Variants in PDE4D observed in about 807,000 individuals in gnomAD.
PDE4D encodes the protein phosphodiesterase 4D, also known as 3',5'-cyclic-AMP phosphodiesterase 4D.
A neutral mutation model predicts 87.4 loss-of-function variants in PDE4D; 24 were observed. The ratio of observed to expected loss-of-function variants is 0.27; its 90% CI spans 0.20 to 0.39. The LOEUF is 0.39. Among genes scored for constraint, PDE4D ranks in the 10% least tolerant of loss-of-function variants. The probability of loss-of-function intolerance (pLI) is 1.00; values close to 1 mark genes in which losing one functional copy is unlikely to be tolerated. For synonymous variants in PDE4D, 384 were observed against 383.2 expected (o/e 1.00, Z -0.02); for missense variants, 714 against 1,041.0 (o/e 0.69, Z 4.32).
intron 2 of PDE4D, among the ~76,000 whole-genome samples, chr5:60,067,878 T>C (rs139709787): frequency 2.0e-3 from 301 of 152,316 alleles, no homozygotes; most frequent in African/African-American, 6.9e-3. Flanking sequence ...GTTTCATCCA[T>C]GTTGTTGTCA....
At chr5:59,949,140 A>G (rs1283865652) in intron 3 of PDE4D, among the ~76,000 whole-genome samples, 1 of 152,190 alleles carries the variant, frequency 6.6e-6, no homozygotes, top group Non-Finnish European at 1.5e-5. Flanking sequence ...GAATGTAAGA[A>G]TATATGATAG....
At chr5:59,372,481 A>C (rs758608412) in intron 1 of PDE4D, among the ~76,000 whole-genome samples, 21 of 152,254 alleles carry the variant, frequency 1.4e-4, no homozygotes, top group Non-Finnish European at 2.5e-4. Flanking sequence ...AGTTTAATGA[A>C]ATCAGCTAGT....
At position 59,651,254 on chromosome 5, in the gene PDE4D, TCAA is replaced by T. The variant is rs531393357; in HGVS notation, c.455+241911_455+241913del. 1.9e-4 allele frequency among the ~76,000 whole-genome samples: 18 copies of T among 94,392 alleles called. 1 individual carries two copies. Among genetic ancestry groups the T allele is most frequent in the African/African-American group, 5.0e-4 (12 of 24,146 alleles). 61.9% of individuals were successfully genotyped at this position (94,392 alleles called of 152,430 possible). Reference sequence around the variant, plus strand: ...CTGGGCAACAGAGTGAGACTCTGTCTCAACAATAATAATAATAATAATAATAAT... The same window carrying T: ...CTGGGCAACAGAGTGAGACTCTGTCTCAATAATAATAATAATAATAATAAT... On this transcript the variant is annotated intron_variant, in intron 1 of 14. Transcript: ENST00000340635.
chr5:59,183,189 A>C (rs1424482282), intron 4 of PDE4D, among the ~76,000 whole-genome samples: 2 of 152,196 alleles, frequency 1.3e-5, no homozygotes, highest in East Asian at 3.9e-4. Context: ...ATTTGGTTTG[A>C]ATCAGTAATG....
intron 1 of PDE4D, among the ~76,000 whole-genome samples, chr5:59,238,211 T>C (rs947934240): frequency 2.6e-5 from 4 of 152,138 alleles, no homozygotes; most frequent in Non-Finnish European, 5.9e-5. Flanking sequence ...ATAAGTGCCA[T>C]GTATTTGGGG....
intron 1 of PDE4D, among the ~76,000 whole-genome samples, chr5:59,682,693 T>G (rs933532893): frequency 6.6e-6 from 1 of 152,178 alleles, no homozygotes; most frequent in Non-Finnish European, 1.5e-5. Flanking sequence ...CAGCTATTTA[T>G]GAGCTAGAAA....
chr5:59,237,038 C>G (rs182150956), intron 1 of PDE4D, among the ~76,000 whole-genome samples: 314 of 152,258 alleles, frequency 2.1e-3, no homozygotes, highest in Non-Finnish European at 3.7e-3. Context: ...TCTGGTCATA[C>G]TGTTCTCACT....
intron 1 of PDE4D, among the ~76,000 whole-genome samples, chr5:59,566,496 T>C (rs1820904510): frequency 6.6e-6 from 1 of 152,084 alleles, no homozygotes; most frequent in African/African-American, 2.4e-5. Flanking sequence ...GAACCCTGTG[T>C]GTCTTTCTCC....
rs536015751 is a variant in PDE4D at position 59,992,490 on chromosome 5, C to T, written c.43-3773G>A. 3.3e-5 allele frequency among the ~76,000 whole-genome samples: 5 copies of T among 152,282 alleles called. No individual in the cohort carries two copies. The East Asian group carries it at 7.7e-4, about 24-fold the overall frequency. ...CCTGACTAATACATGTGTAAATACTCTTCTTCTGGATGAACATAGAAAAGA... is the reference window on the plus strand; with the variant it reads ...CCTGACTAATACATGTGTAAATACTTTTCTTCTGGATGAACATAGAAAAGA... On this transcript the variant is annotated intron_variant, in intron 2 of 16. Transcript: ENST00000502484.
At chr5:59,201,162 C>G (rs1482375865) in intron 2 of PDE4D, among the ~76,000 whole-genome samples, 1 of 151,990 alleles carries the variant, frequency 6.6e-6, no homozygotes, top group Non-Finnish European at 1.5e-5. Context: ...ATTTATCATT[C>G]ATTCATTTTT....
intron 1 of PDE4D, among the ~76,000 whole-genome samples, chr5:60,246,752 T>A (rs529887833): frequency 6.6e-6 from 1 of 152,094 alleles, no homozygotes; most frequent in African/African-American, 2.4e-5. Context: ...CTGCTCTTTG[T>A]GTTTGCTAAC....
chr5:59,040,654 C>A (rs904121851), intron 5 of PDE4D, among the ~76,000 whole-genome samples: 1 of 152,152 alleles, frequency 6.6e-6, no homozygotes, highest in East Asian at 1.9e-4. Flanking sequence ...CATTAGCATG[C>A]AATAAGCAAA....
chr5:59,371,051 T>G lies in PDE4D; in HGVS notation c.456-155083A>C, dbSNP rs1489077727. ...TAAAACATCATGAGACTTTTTGTTT[T>G]GTTTTTGCTCATCAGCTATCATATT... On this transcript the variant is annotated intron_variant, in intron 1 of 14. Transcript: ENST00000340635. Among the ~76,000 whole-genome samples the G allele has an allele frequency of 2.6e-5, 4 of 152,220 alleles. No individual in the cohort carries two copies. In the East Asian group the frequency reaches 5.8e-4, roughly 22 times the overall value.
At chr5:59,491,752 T>C (rs1349725268) in intron 1 of PDE4D, among the ~76,000 whole-genome samples, 1 of 152,194 alleles carries the variant, frequency 6.6e-6, no homozygotes, top group Non-Finnish European at 1.5e-5. Flanking sequence ...TAACAATAAA[T>C]GTTATAGTTA....
chr5:59,883,370 C>T (rs1749723252), intron 1 of PDE4D, among the ~76,000 whole-genome samples: 2 of 152,090 alleles, frequency 1.3e-5, no homozygotes, highest in Admixed American at 1.3e-4. Flanking sequence ...AAGAATTTTC[C>T]AAGTTGAAGA....
intron 1 of PDE4D, among the ~76,000 whole-genome samples, chr5:59,546,424 T>C (rs1446929000): frequency 6.6e-6 from 1 of 152,164 alleles, no homozygotes; most frequent in Non-Finnish European, 1.5e-5. Context: ...TAATATTATG[T>C]GCCTTTTATT....
intron 1 of PDE4D, among the ~76,000 whole-genome samples, chr5:60,375,971 G>A (rs990111227): frequency 1.3e-4 from 20 of 152,084 alleles, no homozygotes; most frequent in Admixed American, 9.8e-4. Context: ...CCTGGGAGGC[G>A]GAGGTTGCAG....
chr5:59,336,982 T>C (rs1214681275), intron 1 of PDE4D, among the ~76,000 whole-genome samples: 1 of 152,168 alleles, frequency 6.6e-6, no homozygotes, highest in Non-Finnish European at 1.5e-5. Flanking sequence ...TCATGTCTAA[T>C]TGCTTATCTA....
chr5:60,114,207 T>A (rs1424583530), intron 2 of PDE4D, among the ~76,000 whole-genome samples: 3 of 152,110 alleles, frequency 2.0e-5, no homozygotes, highest in Admixed American at 2.0e-4. Context: ...TTAACTGATA[T>A]CACTTGTAAA....
Sources: allele counts gnomAD v4.1 joint callset (sites outside exome capture counted in the v4.1 genomes callset), GRCh38; gene constraint gnomAD v4.1.1; transcripts MANE v1.5; gene names NCBI Gene and HGNC (gene_info 2026-07-23, HGNC 2026-07-21).